SMO: variants seen among roughly 807,000 people sequenced by gnomAD.
SMO encodes protein smoothened.
A neutral mutation model predicts 81.6 loss-of-function variants in SMO; 40 were observed. The ratio of observed to expected loss-of-function variants is 0.49; its 90% CI spans 0.38 to 0.64. The LOEUF (loss-of-function observed/expected upper bound fraction) is 0.64, where lower values mean the gene tolerates loss of function less well. SMO is among the 30% of genes least tolerant of loss of function. The probability of loss-of-function intolerance (pLI) is 0.00; values close to 1 mark genes in which losing one functional copy is unlikely to be tolerated. For synonymous variants in SMO, 434 were observed against 432.1 expected (o/e 1.00, Z -0.05); for missense variants, 916 against 1,061.1 (o/e 0.86, Z 1.90).
intron 2 of SMO, 135 bp from the exon 3 acceptor site, chr7:129,205,068 C>T (rs1031403423): frequency 4.2e-6 from 3 of 706,172 alleles, no homozygotes; most frequent in African/African-American, 3.6e-5. Context: ...AAATAATTTG[C>T]CAAGCCAGCC....
intron 1 of SMO, among the ~76,000 whole-genome samples, chr7:129,193,785 A>AATATAT (rs71526088): frequency 0.041 from 1,075 of 26,332 alleles, 67 homozygotes; most frequent in Non-Finnish European, 0.053. Context: ...AAAAAAAAAA[A>AATATAT]ATATATATAT....
At position 129,189,027 on chromosome 7, in the gene SMO, C is replaced by G; in HGVS notation, c.-125C>G. Reference sequence around the variant, plus strand: ...CGGAGCGTCCGGGGGGGCCCGGGCCCGGATTCTCTGGGCGCACAGGTCGCC... The same window carrying G: ...CGGAGCGTCCGGGGGGGCCCGGGCCGGGATTCTCTGGGCGCACAGGTCGCC... On this transcript the variant is annotated 5_prime_UTR_variant, in exon 1 of 12. Coordinates refer to ENST00000249373, the MANE Select transcript of SMO (RefSeq NM_005631.5). The surrounding 1 kb of genome is among the most constrained non-coding windows in gnomAD (Gnocchi z 4.7). The G allele has an allele frequency of 1.2e-6, 1 of 858,408 alleles. No homozygotes were observed. The highest frequency in any genetic ancestry group is 1.5e-6 in the Non-Finnish European group (1 of 654,744). The allele number at this position is 858,408 out of a possible 1,614,324, so 53.2% of individuals were successfully genotyped here.
At chr7:129,204,394 C>T (rs2150647449) in intron 2 of SMO, among the ~76,000 whole-genome samples, 1 of 151,326 alleles carries the variant, frequency 6.6e-6, no homozygotes, top group East Asian at 2.0e-4. Flanking sequence ...TTATCCCCAC[C>T]ACTTTGGAAG....
chr7:129,196,890 G>T (rs992577414), intron 1 of SMO, among the ~76,000 whole-genome samples: 1 of 151,730 alleles, frequency 6.6e-6, no homozygotes, highest in Admixed American at 6.6e-5. Context: ...GGTGGCGGGC[G>T]CCTGTAGTCC....
At chr7:129,201,489 C>G (rs777959572) in intron 1 of SMO, among the ~76,000 whole-genome samples, 19 of 152,158 alleles carry the variant, frequency 1.2e-4, no homozygotes, top group Non-Finnish European at 2.6e-4. Context: ...TAGACAAACA[C>G]ATAGACTTAT....
chr7:129,207,117 T>A (rs1359736564), intron 6 of SMO, among the ~76,000 whole-genome samples: 1 of 152,170 alleles, frequency 6.6e-6, no homozygotes, highest in East Asian at 1.9e-4. Context: ...GTGCGGAGAT[T>A]ACAGGCATGA....
Position 129,189,025 on chromosome 7 carries a change from C to T in SMO, c.-127C>T, listed in dbSNP as rs1161758004. ...CGCGGAGCGTCCGGGGGGGCCCGGG[C>T]CCGGATTCTCTGGGCGCACAGGTCG... On this transcript the variant is annotated 5_prime_UTR_variant, in exon 1 of 12. Transcript: ENST00000249373. The surrounding 1 kb of genome is among the most constrained non-coding windows in gnomAD (Gnocchi z 4.7). 6.1e-6 allele frequency: 5 copies of T among 815,846 alleles called. No individual in the cohort carries two copies. Among genetic ancestry groups the T allele is most frequent in the Non-Finnish European group, 6.5e-6 (4 of 616,106 alleles). 50.5% of individuals were successfully genotyped at this position (815,846 alleles called of 1,614,324 possible).
intron 2 of SMO, among the ~76,000 whole-genome samples, chr7:129,204,875 TG>T (rs1039345593): frequency 5.4e-5 from 8 of 148,354 alleles, no homozygotes; most frequent in Admixed American, 4.7e-4. Flanking sequence ...CCGGGTGTGG[TG>T]GTGGGCGCCT....
intron 1 of SMO, among the ~76,000 whole-genome samples, chr7:129,193,582 C>T (rs1793510019): frequency 6.7e-6 from 1 of 149,862 alleles, no homozygotes; most frequent in Non-Finnish European, 1.5e-5. Flanking sequence ...CAGGGTGAAA[C>T]CCCGTCTCTA....
rs770138808 is a variant in SMO, at chr7:129,205,241, G to C, written c.576G>C (p.Gln192His). ...ACATCAAGTTCAACAGTTCAGGCCA[G>C]TGCGAAGTGCCCTTGGTTCGGACAG... ...VQNIKFNSSG[Q>H]CEVPLVRTDN... The change falls in exon 3 of 12, where the codon CAG becomes CAC. Residue 192 changes from glutamine to histidine, a missense_variant. By Grantham distance (24) the Gln-to-His change is conservative. This residue lies in a region of SMO where 436 missense variants were observed against 570.9 expected (regional missense o/e 0.76). Coordinates refer to ENST00000249373, the MANE Select transcript of SMO (RefSeq NM_005631.5). 6.2e-7 allele frequency: 1 copy of C among 1,614,230 alleles called. No individual in the cohort carries two copies. The highest frequency in any genetic ancestry group is 8.5e-7 in the Non-Finnish European group (1 of 1,180,050).
chr7:129,199,510 A>G (rs1010990192), intron 1 of SMO, among the ~76,000 whole-genome samples: 24 of 152,254 alleles, frequency 1.6e-4, no homozygotes, highest in African/African-American at 5.3e-4. Flanking sequence ...AAGGCCATTA[A>G]ATGGCCTTGA....
chr7:129,211,098 C>T lies in SMO; in HGVS notation c.1786C>T (p.His596Tyr). ...GTCCTTCAGCATGCACACTGTGTCC[C>T]ACGACGGGCCCGTGGGTGAGCCTCA... ...ELSFSMHTVSHDGPVAGLAFD... is the reference protein window; with the variant it reads ...ELSFSMHTVSYDGPVAGLAFD... Residue 596 changes from histidine to tyrosine, a missense_variant, in exon 10 of 12, where the codon CAC becomes TAC. Around this residue, in one of 4 missense-constraint regions of SMO, gnomAD observed 324 missense variants for 312.9 expected, o/e 1.04. Coordinates refer to ENST00000249373, the MANE Select transcript of SMO (RefSeq NM_005631.5). The surrounding 1 kb of genome is among the most constrained non-coding windows in gnomAD (Gnocchi z 4.6). 1 of 1,608,966 alleles carries T rather than the reference C, an allele frequency of 6.2e-7. No homozygotes were observed. Among genetic ancestry groups the T allele is most frequent in the South Asian group, 1.1e-5 (1 of 90,360 alleles).
At chr7:129,201,572 T>C (rs1793670416) in intron 1 of SMO, among the ~76,000 whole-genome samples, 1 of 152,182 alleles carries the variant, frequency 6.6e-6, no homozygotes, top group Admixed American at 6.5e-5. Flanking sequence ...CATGCTACTA[T>C]TTTGTAGGCA....
At position 129,211,214 on chromosome 7, in the gene SMO, G is replaced by A. The variant is rs1451280678; in HGVS notation, c.1801+101G>A. On this transcript the variant is annotated intron_variant, in intron 10 of 11. Transcript: ENST00000249373. This position sits in a 1 kb window ranked among gnomAD's most constrained non-coding sequence, Gnocchi z 4.6. Reference sequence around the variant, plus strand: ...GGGCACACAGATTATTTGGAAGACCGACTGTGAGGAGCAAGGCGCTCCCTC... The same window carrying A: ...GGGCACACAGATTATTTGGAAGACCAACTGTGAGGAGCAAGGCGCTCCCTC... 8 of 1,291,572 alleles carry A rather than the reference G, an allele frequency of 6.2e-6. No homozygotes were observed. The highest frequency in any genetic ancestry group is 6.5e-6 in the Non-Finnish European group (6 of 919,470). 80.0% of individuals were successfully genotyped at this position (1,291,572 alleles called of 1,614,324 possible). A position where few individuals can be genotyped will look rare whatever the true frequency, so the allele number is the denominator to read the frequency against.
intron 1 of SMO, among the ~76,000 whole-genome samples, chr7:129,195,582 A>G (rs1211909826): frequency 6.6e-6 from 1 of 152,206 alleles, no homozygotes; most frequent in Non-Finnish European, 1.5e-5. Context: ...TATGCTAGAT[A>G]TGAGTTTATA....
At chr7:129,195,556 G>T (rs1389369583) in intron 1 of SMO, among the ~76,000 whole-genome samples, 1 of 152,126 alleles carries the variant, frequency 6.6e-6, no homozygotes, top group Non-Finnish European at 1.5e-5. Context: ...TGTAAGATTT[G>T]TAGGAGTTCT....
rs2150648391 is a variant in SMO, at chr7:129,205,341, G to A, written c.676G>A (p.Glu226Lys). The A allele has an allele frequency of 6.2e-7, 1 of 1,614,004 alleles. No homozygotes were observed. Among genetic ancestry groups the A allele is most frequent in the Non-Finnish European group, 8.5e-7 (1 of 1,179,944 alleles). ...QCQNPLFTEA[E>K]HQDMHSYIAA... ...CCAGAACCCGCTCTTCACAGAGGCTGAGCACCAGGACATGCACAGCTACAT... is the reference window on the plus strand; with the variant it reads ...CCAGAACCCGCTCTTCACAGAGGCTAAGCACCAGGACATGCACAGCTACAT... Residue 226 changes from glutamate to lysine, a missense_variant, in exon 3 of 12, where the codon GAG becomes AAG. Coordinates refer to ENST00000249373, the MANE Select transcript of SMO (RefSeq NM_005631.5).
Position 129,211,966 on chromosome 7 carries a change from C to CG in SMO, c.1937-53dup. Reference sequence around the variant, plus strand: ...AACAGGTTAAGTGCTCCCAGGGGAGCGGGGGTGGCATGGACAGAGCCAGGG... The same window carrying CG: ...AACAGGTTAAGTGCTCCCAGGGGAGCGGGGGGTGGCATGGACAGAGCCAGGG... On this transcript the variant is annotated intron_variant, in intron 11 of 11. Coordinates refer to ENST00000249373, the MANE Select transcript of SMO (RefSeq NM_005631.5). This position sits in a 1 kb window ranked among gnomAD's most constrained non-coding sequence, Gnocchi z 4.6. 1 of 1,494,468 alleles carries CG rather than the reference C, an allele frequency of 6.7e-7. No individual in the cohort carries two copies. The allele number at this position is 1,494,468 out of a possible 1,614,324, so 92.6% of individuals were successfully genotyped here. A position where few individuals can be genotyped will look rare whatever the true frequency, so the allele number is the denominator to read the frequency against.
chr7:129,211,717 G>C lies in SMO; in HGVS notation c.1883G>C (p.Arg628Pro), dbSNP rs201898555. The C allele has an allele frequency of 5.0e-6, 8 of 1,613,864 alleles. No individual in the cohort carries two copies. The highest frequency in any genetic ancestry group is 6.8e-6 in the Non-Finnish European group (8 of 1,179,882). Residue 628 changes from arginine (R) to proline (P), a missense_variant, in exon 11 of 12, where the codon CGG (arginine) becomes CCG (proline). This residue lies in a region of SMO where 324 missense variants were observed against 312.9 expected (regional missense o/e 1.04). Transcript: ENST00000249373. The surrounding 1 kb of genome is among the most constrained non-coding windows in gnomAD (Gnocchi z 4.6). ...CAGCATGTCACCAAGATGGTGGCTC[G>C]GAGAGGAGCCATACTGCCCCAGGAT... ...WAQHVTKMVA[R>P]RGAILPQDIS...
Sources: allele counts gnomAD v4.1 joint callset (sites outside exome capture counted in the v4.1 genomes callset), GRCh38; gene constraint gnomAD v4.1.1; regional missense constraint gnomAD v4.1.1; non-coding constraint Gnocchi (gnomAD v3.1); transcripts MANE v1.5; gene names NCBI Gene and HGNC (gene_info 2026-07-23, HGNC 2026-07-21).